SEMA4F: variants seen among roughly 807,000 people sequenced by gnomAD.
The protein encoded by SEMA4F is ssemaphorin 4F.
Under a neutral mutation model 78.4 loss-of-function variants are expected in SEMA4F, and 51 were observed. The observed-to-expected ratio is 0.65, with a 90% confidence interval of 0.52 to 0.82. The LOEUF (loss-of-function observed/expected upper bound fraction) is 0.82, where lower values mean the gene tolerates loss of function less well. SEMA4F is among the 40% of genes least tolerant of loss of function. The pLI is 0.00. For synonymous variants in SEMA4F, 418 were observed against 408.7 expected (o/e 1.02, Z -0.27); for missense variants, 938 against 1,014.4 (o/e 0.92, Z 1.02).
At chr2:74,691,610 C>T in the SEMA4F span, among the ~76,000 whole-genome samples, 1 of 152,226 alleles carries the variant, frequency 6.6e-6, no homozygotes, top group Admixed American at 6.5e-5. Flanking sequence ...TGCCACATAG[C>T]TGCTGCTTTC....
At chr2:74,668,719 T>C (rs1232091827) in intron 5 of SEMA4F, among the ~76,000 whole-genome samples, 1 of 151,438 alleles carries the variant, frequency 6.6e-6, no homozygotes, top group East Asian at 1.9e-4. Context: ...CAAGTGATTC[T>C]CCTGTCTTGA....
chr2:74,684,031 T>C (rs1005717871), downstream of SEMA4F, among the ~76,000 whole-genome samples: 24 of 151,860 alleles, frequency 1.6e-4, no homozygotes, highest in African/African-American at 5.6e-4. Flanking sequence ...CCCTCCAACC[T>C]TTTGCAGGAG....
At chr2:74,668,986 T>TGTG (rs1024556816) in intron 5 of SEMA4F, among the ~76,000 whole-genome samples, 2 of 142,566 alleles carry the variant, frequency 1.4e-5, no homozygotes, top group African/African-American at 5.3e-5. Context: ...CAAGGCTAGG[T>TGTG]GTGGTAGCTC....
rs1449803611 is a variant in SEMA4F, at chr2:74,680,891, A to C, written c.*682A>C. 1 of 152,250 alleles carries C rather than the reference A, an allele frequency of 6.6e-6. No individual in the cohort carries two copies. The highest frequency in any genetic ancestry group is 1.5e-5 in the Non-Finnish European group (1 of 68,074). 9.4% of individuals were successfully genotyped at this position (152,250 alleles called of 1,614,324 possible). Reference sequence around the variant, plus strand: ...TTTAGACCCTGTAGCCATAGAGGGAATGGCGTTCCTTTCTAAAAGGAACTG... The same window carrying C: ...TTTAGACCCTGTAGCCATAGAGGGACTGGCGTTCCTTTCTAAAAGGAACTG... On this transcript the variant is annotated 3_prime_UTR_variant, in exon 14 of 14. Transcript: ENST00000357877.
At chr2:74,689,827 A>T in the SEMA4F span, among the ~76,000 whole-genome samples, 1 of 152,224 alleles carries the variant, frequency 6.6e-6, no homozygotes, top group South Asian at 2.1e-4. Context: ...AGTGCCAATG[A>T]TGAAGAAAAA....
the SEMA4F span, among the ~76,000 whole-genome samples, chr2:74,692,708 GC>G: frequency 6.6e-6 from 1 of 152,176 alleles, no homozygotes; most frequent in Non-Finnish European, 1.5e-5. Flanking sequence ...CCCAGAGTAA[GC>G]TTTTTTGGAG....
chr2:74,685,023 A>AGC (rs1445365067), downstream of SEMA4F, among the ~76,000 whole-genome samples: 1 of 152,234 alleles, frequency 6.6e-6, no homozygotes, highest in East Asian at 1.9e-4. Flanking sequence ...GCTAGGACCA[A>AGC]GAGCTGCTGA....
chr2:74,673,834 A>T lies in SEMA4F; in HGVS notation c.822+6A>T, dbSNP rs1410576138. 2 of 1,610,450 alleles carry T rather than the reference A, an allele frequency of 1.2e-6. No homozygotes were observed. The highest frequency in any genetic ancestry group is 3.3e-5 in the Admixed American group (2 of 59,844). ...GGGTGGCCCGTGTGTGTGCGGTGAG[A>T]CCCCATCCCAGCTGTCTGTCTGTCA... On this transcript the variant is annotated splice_donor_region_variant and intron_variant, in intron 7 of 13. Coordinates refer to ENST00000357877, the MANE Select transcript of SEMA4F (RefSeq NM_004263.5).
chr2:74,655,347 A>C (rs1438239996), intron 1 of SEMA4F: 1 of 363,732 alleles, frequency 2.7e-6, no homozygotes, highest in Non-Finnish European at 5.8e-6. Context: ...ACAAGGTTAA[A>C]AGTGATCATT....
the SEMA4F span, among the ~76,000 whole-genome samples, chr2:74,697,670 G>A: frequency 6.6e-6 from 1 of 152,150 alleles, no homozygotes; most frequent in Admixed American, 6.5e-5. Flanking sequence ...GTAGAGAGCA[G>A]CACATTGAAG....
intron 5 of SEMA4F, among the ~76,000 whole-genome samples, chr2:74,672,549 A>G (rs1685040139): frequency 6.6e-6 from 1 of 152,278 alleles, no homozygotes; most frequent in Non-Finnish European, 1.5e-5. Context: ...ACACACCTCC[A>G]GGGTGTTCAT....
rs1245674778 is a variant in SEMA4F, at chr2:74,683,347, C to T, written c.*3138C>T. 1 of 152,226 alleles carries T rather than the reference C, an allele frequency of 6.6e-6. No homozygotes were observed. Among genetic ancestry groups the T allele is most frequent in the Admixed American group, 6.5e-5 (1 of 15,288 alleles). The allele number at this position is 152,226 out of a possible 1,614,324, so 9.4% of individuals were successfully genotyped here. A position where few individuals can be genotyped will look rare whatever the true frequency, so the allele number is the denominator to read the frequency against. ...CAAAACACGAGGACGTGCCACCCAT[C>T]CTCAGCACTCTCAAGACACACTTAA... On this transcript the variant is annotated 3_prime_UTR_variant, in exon 14 of 14. Coordinates refer to ENST00000357877, the MANE Select transcript of SEMA4F (RefSeq NM_004263.5).
Position 74,674,541 on chromosome 2 carries a change from C to G in SEMA4F, c.866C>G (p.Thr289Arg), listed in dbSNP as rs751185275. Residue 289 changes from threonine (T) to arginine (R), a missense_variant, in exon 8 of 14, where the codon ACG becomes AGG. Thr to Arg is a moderately conservative substitution (Grantham distance 71). Coordinates refer to ENST00000357877, the MANE Select transcript of SEMA4F (RefSeq NM_004263.5). ...AAGACCCTCCAGCAGAGATGGACGA[C>G]GTTTTTGAAAGCTGACCTGCTCTGT... The part of the protein sequence containing the change: ...GRKTLQQRWT[T>R]FLKADLLCPG... The G allele has an allele frequency of 3.1e-6, 5 of 1,614,016 alleles. No homozygotes were observed. The highest frequency in any genetic ancestry group is 4.2e-6 in the Non-Finnish European group (5 of 1,179,986).
the SEMA4F span, among the ~76,000 whole-genome samples, chr2:74,708,877 C>T: frequency 8.6e-5 from 13 of 152,028 alleles, no homozygotes; most frequent in Admixed American, 2.6e-4. Flanking sequence ...TAAAGAGGAG[C>T]CAAATAGGCT....
chr2:74,696,601 A>G, the SEMA4F span, among the ~76,000 whole-genome samples: 2 of 152,158 alleles, frequency 1.3e-5, no homozygotes, highest in Non-Finnish European at 2.9e-5. Flanking sequence ...AAAAACTACC[A>G]GTTGGGTTCA....
chr2:74,654,400 C>G lies in SEMA4F; in HGVS notation c.24C>G (p.Pro8=), dbSNP rs1427559288. The change falls in exon 1 of 14, where the codon CCC becomes CCG. Residue 8 remains proline, a synonymous_variant. Transcript: ENST00000357877. MPASAAR[P]RPGPGQPTAS... ...AGATGCCGGCCTCTGCTGCGCGGCC[C>G]CGCCCGGGTCCCGGGCAGCCTACAG... 6.5e-7 allele frequency: 1 copy of G among 1,527,646 alleles called. No homozygotes were observed. Among genetic ancestry groups the G allele is most frequent in the Non-Finnish European group, 8.7e-7 (1 of 1,145,610 alleles). The allele number at this position is 1,527,646 out of a possible 1,614,324, so 94.6% of individuals were successfully genotyped here.
chr2:74,696,180 T>C, the SEMA4F span, among the ~76,000 whole-genome samples: 3 of 148,796 alleles, frequency 2.0e-5, no homozygotes, highest in African/African-American at 7.4e-5. Context: ...ACATCTCTCC[T>C]GCCTCTTTTT....
At chr2:74,708,288 C>T in the SEMA4F span, among the ~76,000 whole-genome samples, 2 of 152,048 alleles carry the variant, frequency 1.3e-5, no homozygotes, top group African/African-American at 4.8e-5. Context: ...GCAAAAATTA[C>T]CAGGTATGAG....
intron 2 of SEMA4F, 85 bp downstream of exon 2, chr2:74,656,770 T>G: frequency 7.1e-7 from 1 of 1,414,474 alleles, no homozygotes; most frequent in Non-Finnish European, 9.7e-7. Context: ...GGGGATTTCA[T>G]AATAACTAAA....
Sources: gnomAD v4.1 joint callset for allele counts (sites outside exome capture counted in the v4.1 genomes callset) on GRCh38, gnomAD v4.1.1 for gene constraint, MANE v1.5 for transcripts, NCBI Gene and HGNC (gene_info 2026-07-23, HGNC 2026-07-21) for gene names.